ADD2: variants seen among roughly 807,000 people sequenced by gnomAD.
ADD2 encodes beta-adducin.
ADD2 carries 23 observed loss-of-function variants against 83.0 expected under a neutral mutation model. The ratio of observed to expected loss-of-function variants is 0.28; its 90% CI spans 0.20 to 0.39. The LOEUF is 0.39. Ranked by LOEUF, ADD2 falls within the 10% of genes least tolerant of loss-of-function variation. The pLI is 1.00. For missense variants in ADD2, 758 were observed against 944.9 expected, an observed-to-expected ratio of 0.80 and a Z score of 2.59; for synonymous variants, 375 against 375.4, an observed-to-expected ratio of 1.00 and a Z score of 0.01.
rs930846400 is a variant in ADD2 at position 70,683,021 on chromosome 2, C to A, written c.1125+570G>T. On this transcript the variant is annotated intron_variant, in intron 10 of 15. Transcript: ENST00000264436. ...TGTCCCAGTTTTTACTGGAGTATGA[C>A]CTTTTTTTTTTTTTTTTTTGAGACA... Among the ~76,000 whole-genome samples the A allele has an allele frequency of 2.3e-5, 3 of 127,840 alleles. No homozygotes were observed. In the Admixed American group the frequency reaches 2.5e-4, roughly 10 times the overall value. 83.9% of individuals were successfully genotyped at this position (127,840 alleles called of 152,430 possible).
chr2:70,671,168 A>G (rs1452096335), intron 15 of ADD2, among the ~76,000 whole-genome samples: 2 of 152,126 alleles, frequency 1.3e-5, no homozygotes, highest in African/African-American at 4.8e-5. Context: ...CAAAACCTAG[A>G]TGAGGCCACA....
intron 1 of ADD2, among the ~76,000 whole-genome samples, chr2:70,765,086 C>T (rs185077544): frequency 6.6e-6 from 1 of 152,030 alleles, no homozygotes; most frequent in Non-Finnish European, 1.5e-5. Flanking sequence ...GGCAAAGTGG[C>T]TCACACTTGT....
intron 1 of ADD2, among the ~76,000 whole-genome samples, chr2:70,723,482 A>G (rs1574289688): frequency 6.6e-6 from 1 of 152,138 alleles, no homozygotes; most frequent in East Asian, 1.9e-4. Flanking sequence ...TCAAGGGAAC[A>G]TCAACGAATC....
At chr2:70,745,833 A>T (rs537479725) in intron 1 of ADD2, among the ~76,000 whole-genome samples, 17 of 152,344 alleles carry the variant, frequency 1.1e-4, no homozygotes, top group African/African-American at 4.1e-4. Context: ...AGAGGAGATA[A>T]ATTGAGTCCA....
chr2:70,722,631 G>A (rs1672785027), intron 1 of ADD2, among the ~76,000 whole-genome samples: 1 of 152,222 alleles, frequency 6.6e-6, no homozygotes, highest in Non-Finnish European at 1.5e-5. Flanking sequence ...GCCCAGTACA[G>A]TGTCCTGAGA....
chr2:70,757,190 A>T (rs1553384003), intron 1 of ADD2, among the ~76,000 whole-genome samples: 1 of 152,162 alleles, frequency 6.6e-6, no homozygotes, highest in East Asian at 1.9e-4. Flanking sequence ...ATACATTCAG[A>T]AACAGCAGTA....
rs782370966 is a variant in ADD2, at chr2:70,692,465, T to C, written c.643A>G (p.Ile215Val). 3.7e-6 allele frequency: 6 copies of C among 1,612,770 alleles called. No individual in the cohort carries two copies. The African/African-American group carries it at 6.7e-5, about 18-fold the overall frequency. The change falls in exon 7 of 16, where the codon ATC (isoleucine) becomes GTC (valine). Residue 215 changes from isoleucine to valine, a missense_variant. Ile to Val is a conservative substitution (Grantham distance 29). Transcript: ENST00000264436. ...CGCACGTCGGGCCTCGCTGCATAGA[T>C]GGCCGAGTGCAGACAGAAGCCTGTG... ...DTTGFCLHSA[I>V]YAARPDVRCI...
intron 1 of ADD2, among the ~76,000 whole-genome samples, chr2:70,732,658 G>A (rs1338051113): frequency 2.0e-5 from 3 of 152,294 alleles, no homozygotes; most frequent in Admixed American, 6.5e-5. Flanking sequence ...AGCCAGAGCA[G>A]TAAGGTCCCC....
At chr2:70,742,899 G>A (rs1369888249) in intron 1 of ADD2, among the ~76,000 whole-genome samples, 1 of 152,122 alleles carries the variant, frequency 6.6e-6, no homozygotes, top group Non-Finnish European at 1.5e-5. Flanking sequence ...ATTTAAGTTT[G>A]TCAATGTATG....
chr2:70,702,900 G>C (rs1671673078), intron 4 of ADD2, among the ~76,000 whole-genome samples: 1 of 152,172 alleles, frequency 6.6e-6, no homozygotes, highest in African/African-American at 2.4e-5. Flanking sequence ...ACCGGGGTGG[G>C]TGGATCACTT....
rs948277725 is a variant in ADD2, at chr2:70,732,935, G to C, written c.-153-19751C>G. Among the ~76,000 whole-genome samples, 6 of 152,258 alleles carry C rather than the reference G, an allele frequency of 3.9e-5. No homozygotes were observed. The South Asian group carries it at 1.2e-3, about 32-fold the overall frequency. On this transcript the variant is annotated intron_variant, in intron 1 of 15. Transcript: ENST00000264436. ...TGAAATGCCTGGGGGAAACAGTGTA[G>C]GGTTCTGGCCTCCATCTGTCTGTTC...
chr2:70,700,281 AT>A (rs1233204487), intron 4 of ADD2, among the ~76,000 whole-genome samples: 1 of 152,182 alleles, frequency 6.6e-6, no homozygotes, highest in Non-Finnish European at 1.5e-5. Context: ...ATAAAATCCA[AT>A]GCTATTAGCA....
chr2:70,757,512 T>C (rs1327761034), intron 1 of ADD2, among the ~76,000 whole-genome samples: 1 of 152,154 alleles, frequency 6.6e-6, no homozygotes, highest in Non-Finnish European at 1.5e-5. Context: ...ACTGCATAAC[T>C]ATGGTAACAG....
At chr2:70,759,808 C>A (rs1167415717) in intron 1 of ADD2, among the ~76,000 whole-genome samples, 1 of 152,158 alleles carries the variant, frequency 6.6e-6, no homozygotes, top group Non-Finnish European at 1.5e-5. Context: ...CTTGGATATT[C>A]CTTCATAGCA....
At chr2:70,750,834 A>C (rs1201436934) in intron 1 of ADD2, among the ~76,000 whole-genome samples, 1 of 152,210 alleles carries the variant, frequency 6.6e-6, no homozygotes, top group African/African-American at 2.4e-5. Context: ...ACCATGTCTA[A>C]ATTACTATAA....
chr2:70,764,937 C>T (rs1675303424), intron 1 of ADD2, among the ~76,000 whole-genome samples: 1 of 152,060 alleles, frequency 6.6e-6, no homozygotes, highest in South Asian at 2.1e-4. Context: ...TTAGCTCATG[C>T]TGAGGGCCAT....
At chr2:70,698,159 G>A (rs1420838012) in intron 4 of ADD2, among the ~76,000 whole-genome samples, 6 of 152,250 alleles carry the variant, frequency 3.9e-5, no homozygotes, top group African/African-American at 1.2e-4. Context: ...TGGGGCTGAT[G>A]TTGGGAGGTC....
chr2:70,716,508 C>T (rs1273275667), intron 1 of ADD2, among the ~76,000 whole-genome samples: 6 of 152,178 alleles, frequency 3.9e-5, no homozygotes, highest in African/African-American at 1.4e-4. Flanking sequence ...TTGCCTCTTC[C>T]ATTCCACTTG....
chr2:70,746,186 A>G (rs1191875455), intron 1 of ADD2, among the ~76,000 whole-genome samples: 1 of 152,220 alleles, frequency 6.6e-6, no homozygotes, highest in Non-Finnish European at 1.5e-5. Flanking sequence ...CCCAGCTCAA[A>G]TGTCAACCCC....
Sources: gnomAD v4.1 joint callset for allele counts (sites outside exome capture counted in the v4.1 genomes callset) on GRCh38, gnomAD v4.1.1 for gene constraint, MANE v1.5 for transcripts, NCBI Gene and HGNC (gene_info 2026-07-23, HGNC 2026-07-21) for gene names.